The following B3GLCT variants were observed in gnomAD, a reference collection of about 807,000 sequenced individuals.
The protein encoded by B3GLCT is beta-1,3-glucosyltransferase.
Under a neutral mutation model 63.4 loss-of-function variants are expected in B3GLCT, and 65 were observed. That is an observed-to-expected ratio of 1.03 (90% CI 0.84 to 1.26). The LOEUF (loss-of-function observed/expected upper bound fraction) is 1.26. B3GLCT is among the 50% of genes most tolerant of loss of function. The pLI, the probability that B3GLCT is intolerant of heterozygous loss-of-function variation, is 0.00. For synonymous variants in B3GLCT, 233 were observed against 219.2 expected (o/e 1.06, Z -0.55); for missense variants, 577 against 604.8 (o/e 0.95, Z 0.48).
intron 6 of B3GLCT, among the ~76,000 whole-genome samples, chr13:31,251,061 C>T (rs768794845): frequency 2.4e-4 from 36 of 152,260 alleles, no homozygotes; most frequent in Non-Finnish European, 3.5e-4. Context: ...ACCGGGGATA[C>T]CCAGGCAAAC....
intron 12 of B3GLCT, among the ~76,000 whole-genome samples, chr13:31,308,841 C>T (rs889154504): frequency 6.6e-6 from 1 of 152,122 alleles, no homozygotes; most frequent in African/African-American, 2.4e-5. Context: ...ATAATTTTTC[C>T]CTTGTGCCAT....
chr13:31,208,629 C>T (rs548717843), intron 1 of B3GLCT, among the ~76,000 whole-genome samples: 3 of 138,430 alleles, frequency 2.2e-5, no homozygotes, highest in South Asian at 2.5e-4. Flanking sequence ...GCCCCCCCCC[C>T]CCGCTCACTG....
intron 1 of B3GLCT, among the ~76,000 whole-genome samples, chr13:31,209,880 T>C (rs1869169342): frequency 6.6e-6 from 1 of 152,180 alleles, no homozygotes; most frequent in African/African-American, 2.4e-5. Context: ...CCTGGGAAAG[T>C]TTGGGAAAAC....
intron 12 of B3GLCT, among the ~76,000 whole-genome samples, chr13:31,315,416 G>T (rs1453286774): frequency 6.6e-6 from 1 of 152,186 alleles, no homozygotes; most frequent in Admixed American, 6.5e-5. Context: ...GTGGAATTTT[G>T]CCCCTGCCCT....
At chr13:31,268,056 G>A (rs1324270757) in intron 7 of B3GLCT, among the ~76,000 whole-genome samples, 1 of 152,016 alleles carries the variant, frequency 6.6e-6, no homozygotes, top group Non-Finnish European at 1.5e-5. Context: ...ATGTTGCCCA[G>A]GATGGGCTCT....
chr13:31,329,476 G>T (rs766032147), intron 14 of B3GLCT, 25 bp from the exon 15 acceptor site: 1 of 1,613,844 alleles, frequency 6.2e-7, no homozygotes, highest in South Asian at 1.1e-5. Context: ...CAACAAGGAA[G>T]CCTAACTCTC....
chr13:31,274,575 A>C lies in B3GLCT; in HGVS notation c.727A>C (p.Asn243His), dbSNP rs1199800284. 6.2e-7 allele frequency: 1 copy of C among 1,614,188 alleles called. No individual in the cohort carries two copies. Among genetic ancestry groups the C allele is most frequent in the Non-Finnish European group, 8.5e-7 (1 of 1,180,036 alleles). Residue 243 changes from asparagine (N) to histidine (H), a missense_variant, in exon 9 of 15, where the codon AAT becomes CAT. Transcript: ENST00000343307. ...GACCCCAGTGCCTGAGTTTTGTACCAATGACGTGGACTTCTACTGTGCTAC... is the reference window on the plus strand; with the variant it reads ...GACCCCAGTGCCTGAGTTTTGTACCCATGACGTGGACTTCTACTGTGCTAC... ...PLTPVPEFCTNDVDFYCATTF... is the reference protein window; with the variant it reads ...PLTPVPEFCTHDVDFYCATTF...
At chr13:31,272,684 G>A (rs916405972) in intron 8 of B3GLCT, among the ~76,000 whole-genome samples, 37 of 152,128 alleles carry the variant, frequency 2.4e-4, no homozygotes, top group African/African-American at 6.5e-4. Flanking sequence ...TCAATAGCCA[G>A]AAAATTTGAG....
chr13:31,319,337 G>A (rs1325814754), intron 13 of B3GLCT, among the ~76,000 whole-genome samples: 1 of 151,952 alleles, frequency 6.6e-6, no homozygotes, highest in Non-Finnish European at 1.5e-5. Context: ...AACATCTTGA[G>A]TTCACTACTC....
At chr13:31,278,280 T>C (rs906689603) in intron 10 of B3GLCT, among the ~76,000 whole-genome samples, 2 of 152,006 alleles carry the variant, frequency 1.3e-5, no homozygotes, top group Non-Finnish European at 2.9e-5. Context: ...AAAAAAAAAA[T>C]AGTTTGTTAA....
At chr13:31,242,598 G>A (rs1397595657) in intron 4 of B3GLCT, among the ~76,000 whole-genome samples, 1 of 152,220 alleles carries the variant, frequency 6.6e-6, no homozygotes, top group Non-Finnish European at 1.5e-5. Context: ...ACTCACTCGA[G>A]TTGCATGGCT....
chr13:31,247,615 T>C (rs937767953), intron 5 of B3GLCT, among the ~76,000 whole-genome samples: 6 of 152,204 alleles, frequency 3.9e-5, no homozygotes, highest in African/African-American at 1.2e-4. Flanking sequence ...TTCAAGTTGA[T>C]ATTTGAAAAT....
chr13:31,290,281 T>C (rs1345435384), intron 12 of B3GLCT, among the ~76,000 whole-genome samples: 2 of 152,226 alleles, frequency 1.3e-5, no homozygotes, highest in Non-Finnish European at 2.9e-5. Context: ...GGCATTTGGG[T>C]TGGTTCCAAG....
chr13:31,205,853 A>C (rs1479847672), intron 1 of B3GLCT, among the ~76,000 whole-genome samples: 1 of 152,252 alleles, frequency 6.6e-6, no homozygotes, highest in Non-Finnish European at 1.5e-5. Flanking sequence ...GGGTTTAGAC[A>C]AAACAAAAAT....
Position 31,229,483 on chromosome 13 carries a change from C to A in B3GLCT, c.270+189C>A, listed in dbSNP as rs867479949. 7.9e-5 allele frequency among the ~76,000 whole-genome samples: 12 copies of A among 152,284 alleles called. No individual in the cohort carries two copies. The South Asian group carries it at 1.9e-3, about 24-fold the overall frequency. On this transcript the variant is annotated intron_variant, in intron 4 of 14. Transcript: ENST00000343307. ...TCGGTCAGCTGGGCGTGGTGGCTCA[C>A]GCCTGTAATCCCAGCACTGTGGGAG...
intron 12 of B3GLCT, among the ~76,000 whole-genome samples, chr13:31,302,315 G>A (rs571955285): frequency 3.9e-5 from 6 of 152,090 alleles, no homozygotes; most frequent in South Asian, 2.1e-4. Context: ...AGCTAGTCCC[G>A]GGGAGGAGCC....
At chr13:31,311,827 C>T (rs988021075) in intron 12 of B3GLCT, among the ~76,000 whole-genome samples, 5 of 152,116 alleles carry the variant, frequency 3.3e-5, no homozygotes, top group South Asian at 2.1e-4. Context: ...GTCAGTAGAG[C>T]CATAGGCACA....
At chr13:31,221,607 T>C (rs1006376562) in intron 2 of B3GLCT, among the ~76,000 whole-genome samples, 2 of 152,240 alleles carry the variant, frequency 1.3e-5, no homozygotes, top group African/African-American at 4.8e-5. Flanking sequence ...GAGACAAAGA[T>C]AATTTCAGAA....
chr13:31,241,744 G>T (rs1352281511), intron 4 of B3GLCT, among the ~76,000 whole-genome samples: 1 of 152,098 alleles, frequency 6.6e-6, no homozygotes, highest in African/African-American at 2.4e-5. Flanking sequence ...TCCCATCTTG[G>T]GCAGCTTGAG....
Sources: gnomAD v4.1 joint callset for allele counts (sites outside exome capture counted in the v4.1 genomes callset) on GRCh38, gnomAD v4.1.1 for gene constraint, MANE v1.5 for transcripts, NCBI Gene and HGNC (gene_info 2026-07-23, HGNC 2026-07-21) for gene names.